FHIT: variants seen among roughly 807,000 people sequenced by gnomAD.
FHIT encodes bis(5'-adenosyl)-triphosphatase.
Under a neutral mutation model 17.9 loss-of-function variants are expected in FHIT, and 19 were observed. The ratio of observed to expected loss-of-function variants is 1.06; its 90% confidence interval spans 0.74 to 1.56. FHIT has a LOEUF of 1.56. FHIT is among the 40% of genes most tolerant of loss of function. The pLI is 0.00. For missense variants in FHIT, 248 were observed against 189.2 expected (o/e 1.31, Z -1.82); for synonymous variants, 81 against 69.7 (o/e 1.16, Z -0.81).
intron 5 of FHIT, among the ~76,000 whole-genome samples, chr3:60,402,721 T>C (rs1297366804): frequency 2.0e-5 from 3 of 152,230 alleles, no homozygotes; most frequent in Admixed American, 2.0e-4. Context: ...ATCTGGACTA[T>C]TTTGGACTAA....
Position 59,889,085 on chromosome 3 carries a change from C to T in FHIT, c.348+33261G>A, listed in dbSNP as rs637319. On this transcript the variant is annotated intron_variant, in intron 8 of 9. Coordinates refer to ENST00000492590, the MANE Select transcript of FHIT (RefSeq NM_002012.4). Reference sequence around the variant, plus strand: ...GTCAATACTGTTGTTCTGGGGATTACGTTTCTAACACATAAACTTTGGAAA... The same window carrying T: ...GTCAATACTGTTGTTCTGGGGATTATGTTTCTAACACATAAACTTTGGAAA... 7.6e-3 allele frequency among the ~76,000 whole-genome samples: 1,153 copies of T among 152,318 alleles called. 5 individuals are homozygous for T. Among genetic ancestry groups the T allele is most frequent in the Non-Finnish European group, 0.013 (880 of 68,030 alleles).
At chr3:59,861,138 G>C (rs969700441) in intron 8 of FHIT, among the ~76,000 whole-genome samples, 8 of 152,130 alleles carry the variant, frequency 5.3e-5, no homozygotes, top group Non-Finnish European at 1.2e-4. Context: ...CAAGCACATA[G>C]AGATGAGGAA....
chr3:60,341,038 G>A (rs912621983), intron 5 of FHIT, among the ~76,000 whole-genome samples: 1 of 152,020 alleles, frequency 6.6e-6, no homozygotes, highest in East Asian at 1.9e-4. Flanking sequence ...TATAGCATTG[G>A]GGAATATGAT....
At chr3:59,821,642 C>G (rs1575548723) in intron 8 of FHIT, among the ~76,000 whole-genome samples, 2 of 152,210 alleles carry the variant, frequency 1.3e-5, no homozygotes, top group Non-Finnish European at 2.9e-5. Context: ...CAGTGCTTAC[C>G]CAGCAGCCAT....
chr3:60,412,314 G>A (rs957790768), intron 5 of FHIT, among the ~76,000 whole-genome samples: 12 of 151,972 alleles, frequency 7.9e-5, no homozygotes, highest in Non-Finnish European at 1.6e-4. Flanking sequence ...ACTAGCTTGC[G>A]TTCCTCATAG....
intron 5 of FHIT, among the ~76,000 whole-genome samples, chr3:60,492,769 A>T (rs2034122705): frequency 6.6e-6 from 1 of 152,024 alleles, no homozygotes; most frequent in Non-Finnish European, 1.5e-5. Flanking sequence ...TCTCCCAATG[A>T]CAGCAATTTT....
At chr3:60,389,322 G>T (rs762209193) in intron 5 of FHIT, among the ~76,000 whole-genome samples, 2 of 152,122 alleles carry the variant, frequency 1.3e-5, no homozygotes, top group Non-Finnish European at 2.9e-5. Flanking sequence ...GATATTTATG[G>T]CAAGTTTTAG....
chr3:60,438,424 C>T (rs920247646), intron 5 of FHIT, among the ~76,000 whole-genome samples: 21 of 151,974 alleles, frequency 1.4e-4, no homozygotes, highest in African/African-American at 4.6e-4. Context: ...CCAAAACTCC[C>T]TATTGCCAGT....
chr3:60,041,522 G>C (rs1200737426), intron 5 of FHIT, among the ~76,000 whole-genome samples: 1 of 152,212 alleles, frequency 6.6e-6, no homozygotes. Context: ...CATTAGGCCA[G>C]TGGAGAAAAC....
In FHIT at chr3:60,405,765, G is replaced by A. The variant is rs868190806; in HGVS notation, c.103+131095C>T. Among the ~76,000 whole-genome samples, 17 of 152,348 alleles carry A rather than the reference G, an allele frequency of 1.1e-4. No homozygotes were observed. The South Asian group carries it at 2.3e-3, about 20-fold the overall frequency. The stretch of plus-strand genomic sequence containing the variant: ...GGAGGGTGCTACAGGCATCTACTGA[G>A]TAGAGGGCAGGGATTGTGCTAAGCA... On this transcript the variant is annotated intron_variant, in intron 5 of 9. Transcript: ENST00000492590.
intron 5 of FHIT, among the ~76,000 whole-genome samples, chr3:60,241,214 T>C (rs550617939): frequency 6.6e-6 from 1 of 152,216 alleles, no homozygotes; most frequent in East Asian, 1.9e-4. Context: ...TCTGTCATAA[T>C]TCCCTAAGAC....
intron 5 of FHIT, among the ~76,000 whole-genome samples, chr3:60,206,171 A>AATTATT (rs72133262): frequency 6.9e-6 from 1 of 143,936 alleles, no homozygotes; most frequent in Admixed American, 6.9e-5. Flanking sequence ...TAATAATAAT[A>AATTATT]ATTATAACAC....
chr3:60,109,685 T>A (rs1704587308), intron 5 of FHIT, among the ~76,000 whole-genome samples: 2 of 152,180 alleles, frequency 1.3e-5, no homozygotes, highest in African/African-American at 4.8e-5. Context: ...CCTATAGTAC[T>A]GAGACTTACC....
At chr3:60,990,398 C>T (rs1038656932) in intron 3 of FHIT, among the ~76,000 whole-genome samples, 8 of 152,098 alleles carry the variant, frequency 5.3e-5, no homozygotes, top group Non-Finnish European at 1.0e-4. Flanking sequence ...AACAAAGGAT[C>T]GTTAATGATT....
intron 7 of FHIT, among the ~76,000 whole-genome samples, chr3:59,957,249 T>C (rs1426144843): frequency 6.6e-6 from 1 of 152,166 alleles, no homozygotes; most frequent in Non-Finnish European, 1.5e-5. Flanking sequence ...CTGGTGTATG[T>C]ATAAGAAGAG....
chr3:60,437,822 A>G (rs1379684045), intron 5 of FHIT, among the ~76,000 whole-genome samples: 1 of 152,090 alleles, frequency 6.6e-6, no homozygotes, highest in Admixed American at 6.6e-5. Context: ...TATGGAGTTA[A>G]TAGGTGTTTG....
chr3:60,462,438 T>C (rs1400862511), intron 5 of FHIT, among the ~76,000 whole-genome samples: 1 of 152,048 alleles, frequency 6.6e-6, no homozygotes, highest in Non-Finnish European at 1.5e-5. Flanking sequence ...AGAACCCAAA[T>C]GTCAAATGCA....
At chr3:60,433,874 C>T (rs2029965836) in intron 5 of FHIT, among the ~76,000 whole-genome samples, 1 of 151,860 alleles carries the variant, frequency 6.6e-6, no homozygotes, top group Non-Finnish European at 1.5e-5. Context: ...GGTGGCTTTT[C>T]CACTCTGTTG....
At chr3:60,864,769 G>A (rs560103897) in intron 3 of FHIT, among the ~76,000 whole-genome samples, 7 of 152,136 alleles carry the variant, frequency 4.6e-5, no homozygotes, top group Admixed American at 1.3e-4. Context: ...TGTTTCAGGG[G>A]ATATTAGTGG....
Sources: gnomAD v4.1 joint callset for allele counts (sites outside exome capture counted in the v4.1 genomes callset) on GRCh38, gnomAD v4.1.1 for gene constraint, MANE v1.5 for transcripts, NCBI Gene and HGNC (gene_info 2026-07-23, HGNC 2026-07-21) for gene names.